The following PDE1A variants were observed in gnomAD, a reference collection of about 807,000 sequenced individuals.
PDE1A encodes phosphodiesterase 1A, also known as dual specificity calcium/calmodulin-dependent 3',5'-cyclic nucleotide phosphodiesterase 1A.
PDE1A carries 35 observed loss-of-function variants against 61.7 expected under a neutral mutation model. That is an observed-to-expected ratio of 0.57 (90% CI 0.43 to 0.75). The LOEUF is 0.75. Among genes scored for constraint, PDE1A ranks in the 30% least tolerant of loss-of-function variants. PDE1A has a pLI of 0.00. For missense variants in PDE1A, 597 were observed against 630.6 expected (o/e 0.95, Z 0.57); for synonymous variants, 232 against 213.2 (o/e 1.09, Z -0.77).
intron 1 of PDE1A, among the ~76,000 whole-genome samples, chr2:182,339,339 T>C (rs1479141337): frequency 1.3e-5 from 2 of 152,194 alleles, no homozygotes; most frequent in East Asian, 3.8e-4. Flanking sequence ...CAGTATAAAC[T>C]AGATGCTCTT....
At chr2:182,245,422 A>G (rs1594614) in intron 2 of PDE1A, among the ~76,000 whole-genome samples, 108,326 of 152,010 alleles carry the variant, frequency 0.71, 39,051 homozygotes, top group African/African-American at 0.83. Context: ...TGATAAATGT[A>G]TAATGACATA....
intron 2 of PDE1A, among the ~76,000 whole-genome samples, chr2:182,261,698 A>T (rs1171287019): frequency 1.3e-5 from 2 of 152,222 alleles, no homozygotes; most frequent in Non-Finnish European, 2.9e-5. Context: ...GTTAGGGATC[A>T]TAGGGAACTA....
chr2:182,314,081 C>A (rs1696174262), intron 1 of PDE1A, among the ~76,000 whole-genome samples: 4 of 152,156 alleles, frequency 2.6e-5, no homozygotes, highest in African/African-American at 7.2e-5. Context: ...CAGATTTGTA[C>A]ACTAACATTC....
the PDE1A span, among the ~76,000 whole-genome samples, chr2:182,532,969 A>AAAAAAAAAAAC: frequency 1.3e-5 from 2 of 148,656 alleles, no homozygotes; most frequent in African/African-American, 2.5e-5. Context: ...AAAAAAAAAA[A>AAAAAAAAAAAC]AAAACAATGA....
chr2:182,254,029 T>C (rs7561341), intron 2 of PDE1A, among the ~76,000 whole-genome samples: 7,274 of 152,242 alleles, frequency 0.048, 537 homozygotes, highest in African/African-American at 0.17. Context: ...ATTTAAAACA[T>C]CTTTTTAAAA....
downstream of PDE1A, among the ~76,000 whole-genome samples, chr2:182,144,926 G>A (rs1165932764): frequency 6.6e-6 from 1 of 152,136 alleles, no homozygotes; most frequent in East Asian, 1.9e-4. Flanking sequence ...CCAAAGAGTG[G>A]CTGACTGTAG....
the PDE1A span, among the ~76,000 whole-genome samples, chr2:182,710,989 T>C: frequency 2.0e-4 from 31 of 152,308 alleles, no homozygotes; most frequent in East Asian, 6.0e-3. Flanking sequence ...CTAAAACAAT[T>C]ATTACAAAAT....
At chr2:182,207,023 T>C (rs1310003829) in intron 7 of PDE1A, among the ~76,000 whole-genome samples, 2 of 152,158 alleles carry the variant, frequency 1.3e-5, no homozygotes, top group Non-Finnish European at 2.9e-5. Flanking sequence ...TTTATAGCAG[T>C]ATGAGAATGG....
chr2:182,295,241 A>T (rs947368107), intron 1 of PDE1A, among the ~76,000 whole-genome samples: 7 of 150,950 alleles, frequency 4.6e-5, no homozygotes, highest in Non-Finnish European at 1.0e-4. Context: ...CGCCCGGCTA[A>T]TTTTTTGTAT....
rs201633048 is a variant in PDE1A, at chr2:182,218,947, TAA to T, written c.776+4915_776+4916del. On this transcript the variant is annotated intron_variant, in intron 7 of 13. Transcript: ENST00000351439. ...ATATATCAAAGTGAATAAAATTACC[TAA>T]CGTCTTATTCAGTCAGTGAATGAAC... 4.1e-3 allele frequency among the ~76,000 whole-genome samples: 630 copies of T among 152,248 alleles called. 12 individuals carry two copies. The East Asian group carries it at 0.065, about 16-fold the overall frequency.
chr2:182,613,229 G>T, the PDE1A span, among the ~76,000 whole-genome samples: 1 of 152,086 alleles, frequency 6.6e-6, no homozygotes, highest in East Asian at 1.9e-4. Context: ...AATTGTCAAG[G>T]ATTCATTTAT....
At chr2:182,676,700 A>G in the PDE1A span, among the ~76,000 whole-genome samples, 1 of 152,208 alleles carries the variant, frequency 6.6e-6, no homozygotes, top group Non-Finnish European at 1.5e-5. Flanking sequence ...GCAGCACATC[A>G]AAAAGTTAAT....
intron 1 of PDE1A, among the ~76,000 whole-genome samples, chr2:182,356,191 T>A (rs916855355): frequency 6.6e-6 from 1 of 152,108 alleles, no homozygotes; most frequent in Non-Finnish European, 1.5e-5. Context: ...ATGTGCATAA[T>A]CCCAGCACTT....
At chr2:182,274,058 A>T (rs1693230595) in intron 1 of PDE1A, among the ~76,000 whole-genome samples, 1 of 151,916 alleles carries the variant, frequency 6.6e-6, no homozygotes, top group Admixed American at 6.6e-5. Context: ...TCTCACTGTA[A>T]CCTCACATGG....
chr2:182,215,848 C>G (rs1207651050), intron 7 of PDE1A, among the ~76,000 whole-genome samples: 42 of 89,788 alleles, frequency 4.7e-4, no homozygotes, highest in South Asian at 2.8e-3. Context: ...CAAGGAGGAA[C>G]TGGTACCATT....
At chr2:182,379,602 G>A (rs1432285417) in intron 1 of PDE1A, among the ~76,000 whole-genome samples, 2 of 152,146 alleles carry the variant, frequency 1.3e-5, no homozygotes, top group Non-Finnish European at 2.9e-5. Context: ...AAATATTCCT[G>A]TAAAGGTAAA....
intron 1 of PDE1A, among the ~76,000 whole-genome samples, chr2:182,424,448 A>G (rs1434968211): frequency 6.6e-6 from 1 of 152,184 alleles, no homozygotes; most frequent in African/African-American, 2.4e-5. Context: ...ACTGAGAAGG[A>G]AAGGTCTAGT....
intron 1 of PDE1A, among the ~76,000 whole-genome samples, chr2:182,304,953 C>T (rs1319789535): frequency 6.6e-6 from 1 of 152,052 alleles, no homozygotes; most frequent in African/African-American, 2.4e-5. Flanking sequence ...TGCCATAAAC[C>T]TCCAATAAAA....
intron 2 of PDE1A, among the ~76,000 whole-genome samples, chr2:182,509,129 G>A (rs1334522877): frequency 6.6e-6 from 1 of 152,096 alleles, no homozygotes; most frequent in African/African-American, 2.4e-5. Context: ...AGACATTACT[G>A]TGCAGGGTTT....
Sources: allele counts gnomAD v4.1 joint callset (sites outside exome capture counted in the v4.1 genomes callset), GRCh38; gene constraint gnomAD v4.1.1; transcripts MANE v1.5; gene names NCBI Gene and HGNC (gene_info 2026-07-23, HGNC 2026-07-21).